NFIX: variants seen among roughly 807,000 people sequenced by gnomAD.
NFIX encodes the protein nuclear factor 1 X-type.
Under a neutral mutation model 53.3 loss-of-function variants are expected in NFIX, and 2 were observed. That is an observed-to-expected ratio of 0.04 (90% CI 0.02 to 0.12). NFIX has a LOEUF of 0.12. Ranked by LOEUF, NFIX falls within the 10% of genes least tolerant of loss-of-function variation. The pLI is 1.00. For missense variants in NFIX, 310 were observed against 674.5 expected (o/e 0.46, Z 5.99); for synonymous variants, 244 against 289.0 (o/e 0.84, Z 1.58).
Position 13,021,373 on chromosome 19 carries a change from G to A in NFIX, c.28-3648G>A, listed in dbSNP as rs2012947294. ...CAGGGCACAGACTGGGGTCCCAGGT[G>A]TTGGGCAGCCCCTCTCCCATTGTCA... On this transcript the variant is annotated intron_variant, in intron 1 of 10. Transcript: ENST00000592199. The surrounding 1 kb of genome is among the most constrained non-coding windows in gnomAD (Gnocchi z 4.2). 6.6e-6 allele frequency among the ~76,000 whole-genome samples: 1 copy of A among 152,158 alleles called. No homozygotes were observed. Among genetic ancestry groups the A allele is most frequent in the Non-Finnish European group, 1.5e-5 (1 of 68,022 alleles).
rs1395986803 is a variant in NFIX, at chr19:13,012,943, G to A, written c.28-12078G>A. 1.3e-5 allele frequency among the ~76,000 whole-genome samples: 2 copies of A among 152,120 alleles called. No homozygotes were observed. Among genetic ancestry groups the A allele is most frequent in the African/African-American group, 4.8e-5 (2 of 41,510 alleles). On this transcript the variant is annotated intron_variant, in intron 1 of 10. Coordinates refer to ENST00000592199, the MANE Select transcript of NFIX (RefSeq NM_001365902.3). This position sits in a 1 kb window ranked among gnomAD's most constrained non-coding sequence, Gnocchi z 5.0. ...GGGGAGATTTTTGTTTCCAGGGTTGGCTGGGTTTGGGGGATTTTGTCCTCC... is the reference window on the plus strand; with the variant it reads ...GGGGAGATTTTTGTTTCCAGGGTTGACTGGGTTTGGGGGATTTTGTCCTCC...
In NFIX at chr19:13,059,085, G is replaced by A. The variant is rs549175361; in HGVS notation, c.560-13962G>A. 5.3e-5 allele frequency among the ~76,000 whole-genome samples: 8 copies of A among 152,258 alleles called. No individual in the cohort carries two copies. In the South Asian group the frequency reaches 1.0e-3, roughly 20 times the overall value. ...ACGTGCACACAAGCGCATAGATCCC[G>A]GGATTCGTGCACATCGGGATTTTCA... is the stretch of plus-strand genomic sequence containing the variant. On this transcript the variant is annotated intron_variant, in intron 2 of 10. Coordinates refer to ENST00000592199, the MANE Select transcript of NFIX (RefSeq NM_001365902.3).
chr19:13,033,749 T>C (rs1269791050), intron 2 of NFIX, among the ~76,000 whole-genome samples: 2 of 152,242 alleles, frequency 1.3e-5, no homozygotes, highest in African/African-American at 4.8e-5. Flanking sequence ...CCTGTGCTCC[T>C]GGCTGGGTGT....
At position 13,073,742 on chromosome 19, in the gene NFIX, G is replaced by C. The variant is rs1378215319; in HGVS notation, c.698-164G>C. 6.6e-6 allele frequency among the ~76,000 whole-genome samples: 1 copy of C among 152,144 alleles called. No homozygotes were observed. Among genetic ancestry groups the C allele is most frequent in the African/African-American group, 2.4e-5 (1 of 41,420 alleles). On this transcript the variant is annotated intron_variant, in intron 4 of 10. Transcript: ENST00000592199. The surrounding 1 kb of genome is among the most constrained non-coding windows in gnomAD (Gnocchi z 4.5). ...CCAAAGGCTCTTCTGTGACCCACTA[G>C]CTGGGAGGAGGTTCCTCAGCAGCCC...
chr19:13,009,620 C>A lies in NFIX; in HGVS notation c.27+13756C>A, dbSNP rs1238550211. Among the ~76,000 whole-genome samples, 1 of 152,244 alleles carries A rather than the reference C, an allele frequency of 6.6e-6. No homozygotes were observed. Among genetic ancestry groups the A allele is most frequent in the African/African-American group, 2.4e-5 (1 of 41,460 alleles). On this transcript the variant is annotated intron_variant, in intron 1 of 10. Coordinates refer to ENST00000592199, the MANE Select transcript of NFIX (RefSeq NM_001365902.3). This position sits in a 1 kb window ranked among gnomAD's most constrained non-coding sequence, Gnocchi z 4.7. ...CAGAGCAAGAAACAGGAGGAAGAGG[C>A]TTCCTGATTCCCCGCTTAAGGGTGT... is the stretch of plus-strand genomic sequence containing the variant.
At chr19:13,075,475 G>C in intron 5 of NFIX, 60 bp from the exon 6 acceptor site, 1 of 1,584,790 alleles carries the variant, frequency 6.3e-7, no homozygotes, top group Non-Finnish European at 8.6e-7. Context: ...CTGGACTCTT[G>C]GTCACTCCCT....
intron 2 of NFIX, among the ~76,000 whole-genome samples, chr19:13,058,294 A>T (rs2015843190): frequency 6.6e-6 from 1 of 152,074 alleles, no homozygotes; most frequent in Non-Finnish European, 1.5e-5. Flanking sequence ...GCAATTATGT[A>T]GAGCACAGGC....
Position 13,073,370 on chromosome 19 carries a change from G to A in NFIX, c.623-52G>A. 6.8e-7 allele frequency: 1 copy of A among 1,472,958 alleles called. No homozygotes were observed. The highest frequency in any genetic ancestry group is 9.5e-7 in the Non-Finnish European group (1 of 1,051,348). The allele number at this position is 1,472,958 out of a possible 1,614,324, so 91.2% of individuals were successfully genotyped here. A position where few individuals can be genotyped will look rare whatever the true frequency, so the allele number is the denominator to read the frequency against. ...TGTGGAAGACCTTTGGAAATAGCCA[G>A]GCAGCCCCCTTCTGGCCTTGTCTTG... is the stretch of plus-strand genomic sequence containing the variant. On this transcript the variant is annotated intron_variant, in intron 3 of 10. Coordinates refer to ENST00000592199, the MANE Select transcript of NFIX (RefSeq NM_001365902.3). The surrounding 1 kb of genome is among the most constrained non-coding windows in gnomAD (Gnocchi z 4.5).
In NFIX at chr19:13,066,861, C is replaced by T. The variant is rs2016436715; in HGVS notation, c.560-6186C>T. 6.6e-6 allele frequency among the ~76,000 whole-genome samples: 1 copy of T among 152,156 alleles called. No individual in the cohort carries two copies. The highest frequency in any genetic ancestry group is 1.5e-5 in the Non-Finnish European group (1 of 68,018). On this transcript the variant is annotated intron_variant, in intron 2 of 10. Transcript: ENST00000592199. This position sits in a 1 kb window ranked among gnomAD's most constrained non-coding sequence, Gnocchi z 4.2. ...GTGGGCCCAGACCCTGGCCAAGCCTCATCCCCCGGCCCTCTGGCTGCCCTG... is the reference window on the plus strand; with the variant it reads ...GTGGGCCCAGACCCTGGCCAAGCCTTATCCCCCGGCCCTCTGGCTGCCCTG...
chr19:13,010,087 T>C (rs2012247993), intron 1 of NFIX, among the ~76,000 whole-genome samples: 1 of 152,160 alleles, frequency 6.6e-6, no homozygotes, highest in Admixed American at 6.5e-5. Flanking sequence ...GCTTTTCCCT[T>C]GCTTTCCCCT....
chr19:13,066,885 T>G lies in NFIX; in HGVS notation c.560-6162T>G, dbSNP rs2145401317. 6.6e-6 allele frequency among the ~76,000 whole-genome samples: 1 copy of G among 152,302 alleles called. No individual in the cohort carries two copies. Among genetic ancestry groups the G allele is most frequent in the East Asian group, 1.9e-4 (1 of 5,176 alleles). ...TCATCCCCCGGCCCTCTGGCTGCCCTGCATTCTCAAGGACTTCCTTGGTCC... is the reference window on the plus strand; with the variant it reads ...TCATCCCCCGGCCCTCTGGCTGCCCGGCATTCTCAAGGACTTCCTTGGTCC... On this transcript the variant is annotated intron_variant, in intron 2 of 10. Coordinates refer to ENST00000592199, the MANE Select transcript of NFIX (RefSeq NM_001365902.3). The surrounding 1 kb of genome is among the most constrained non-coding windows in gnomAD (Gnocchi z 4.2).
In NFIX at chr19:13,093,414, A is replaced by G. The variant is rs1599887744; in HGVS notation, c.1495-1221A>G. 6.6e-6 allele frequency among the ~76,000 whole-genome samples: 1 copy of G among 152,374 alleles called. No homozygotes were observed. The highest frequency in any genetic ancestry group is 1.9e-4 in the East Asian group (1 of 5,190). Reference sequence around the variant, plus strand: ...TTCTGGCTTCTTTTGAAAAGTTGGCAGATGAGCTGCCCTGGGCCCTCACCC... The same window carrying G: ...TTCTGGCTTCTTTTGAAAAGTTGGCGGATGAGCTGCCCTGGGCCCTCACCC... On this transcript the variant is annotated intron_variant, in intron 10 of 10. Transcript: ENST00000592199. The surrounding 1 kb of genome is among the most constrained non-coding windows in gnomAD (Gnocchi z 4.7).
Position 13,098,327 on chromosome 19 carries a change from C to T in NFIX, c.*3678C>T, listed in dbSNP as rs1198877581. On this transcript the variant is annotated 3_prime_UTR_variant, in exon 11 of 11. Coordinates refer to ENST00000592199, the MANE Select transcript of NFIX (RefSeq NM_001365902.3). ...CCCGCAAGCCAGCCTGGGCCAGCCC[C>T]GCTTCGGCCCCTCCCGGGAGATCCG... 1 of 150,226 alleles carries T rather than the reference C, an allele frequency of 6.7e-6. No homozygotes were observed. The highest frequency in any genetic ancestry group is 1.5e-5 in the Non-Finnish European group (1 of 67,466). The allele number at this position is 150,226 out of a possible 1,614,324, so 9.3% of individuals were successfully genotyped here.
At chr19:13,064,541 T>C (rs1294208457) in intron 2 of NFIX, among the ~76,000 whole-genome samples, 2 of 152,232 alleles carry the variant, frequency 1.3e-5, no homozygotes, top group Non-Finnish European at 1.5e-5. Context: ...GGGATATGCC[T>C]GTACAGGTGT....
chr19:13,045,887 C>A lies in NFIX; in HGVS notation c.559+20335C>A, dbSNP rs963890943. 6.6e-6 allele frequency among the ~76,000 whole-genome samples: 1 copy of A among 152,214 alleles called. No individual in the cohort carries two copies. Among genetic ancestry groups the A allele is most frequent in the African/African-American group, 2.4e-5 (1 of 41,450 alleles). ...GAGGGGCTTGGACATTCTTCCTCAG[C>A]TTGAGCCCCATGGACCCCTCCAGGT... On this transcript the variant is annotated intron_variant, in intron 2 of 10. Coordinates refer to ENST00000592199, the MANE Select transcript of NFIX (RefSeq NM_001365902.3). The surrounding 1 kb of genome is among the most constrained non-coding windows in gnomAD (Gnocchi z 4.4).
In NFIX at chr19:13,073,245, C is replaced by A; in HGVS notation, c.622+136C>A. 9.9e-7 allele frequency: 1 copy of A among 1,012,390 alleles called. No individual in the cohort carries two copies. The highest frequency in any genetic ancestry group is 1.6e-6 in the Non-Finnish European group (1 of 637,238). 62.7% of individuals were successfully genotyped at this position (1,012,390 alleles called of 1,614,324 possible). A position where few individuals can be genotyped will look rare whatever the true frequency, so the allele number is the denominator to read the frequency against. On this transcript the variant is annotated intron_variant, in intron 3 of 10. Coordinates refer to ENST00000592199, the MANE Select transcript of NFIX (RefSeq NM_001365902.3). The surrounding 1 kb of genome is among the most constrained non-coding windows in gnomAD (Gnocchi z 4.5). ...CCTTGACTGAGCTTAGCTTGCTGTC[C>A]TGAGGGGATGGGGGCACACCTAGAG... is the stretch of plus-strand genomic sequence containing the variant.
In NFIX at chr19:13,006,462, C is replaced by T. The variant is rs1422707082; in HGVS notation, c.27+10598C>T. On this transcript the variant is annotated intron_variant, in intron 1 of 10. Coordinates refer to ENST00000592199, the MANE Select transcript of NFIX (RefSeq NM_001365902.3). The surrounding 1 kb of genome is among the most constrained non-coding windows in gnomAD (Gnocchi z 5.6). ...GCCCAAAATCTGGGGACAAGATGGC[C>T]GAGGCCTTTCCTTTACAGAAACTGG... Among the ~76,000 whole-genome samples, 1 of 152,172 alleles carries T rather than the reference C, an allele frequency of 6.6e-6. No individual in the cohort carries two copies. Among genetic ancestry groups the T allele is most frequent in the South Asian group, 2.1e-4 (1 of 4,836 alleles).
At position 13,053,709 on chromosome 19, in the gene NFIX, C is replaced by T. The variant is rs929788249; in HGVS notation, c.560-19338C>T. Among the ~76,000 whole-genome samples the T allele has an allele frequency of 2.6e-5, 4 of 152,162 alleles. No homozygotes were observed. In the East Asian group the frequency reaches 7.7e-4, roughly 29 times the overall value. ...AGAAGGGTGGATTTGGGACATATAC[C>T]CCCACCAGTTGAGGGAGGTCAGGAG... On this transcript the variant is annotated intron_variant, in intron 2 of 10. Coordinates refer to ENST00000592199, the MANE Select transcript of NFIX (RefSeq NM_001365902.3).
intron 2 of NFIX, among the ~76,000 whole-genome samples, chr19:13,034,614 C>T (rs777912814): frequency 6.6e-6 from 1 of 152,128 alleles, no homozygotes; most frequent in Non-Finnish European, 1.5e-5. Context: ...TGGGAGTGTC[C>T]TTGGAATCAG....
Sources: gnomAD v4.1 joint callset for allele counts (sites outside exome capture counted in the v4.1 genomes callset) on GRCh38, gnomAD v4.1.1 for gene constraint, Gnocchi (gnomAD v3.1) non-coding constraint, MANE v1.5 for transcripts, NCBI Gene and HGNC (gene_info 2026-07-23, HGNC 2026-07-21) for gene names.